SETBP1: variants seen among roughly 807,000 people sequenced by gnomAD.
SETBP1 encodes the protein SET-binding protein.
SETBP1 carries 9 observed loss-of-function variants against 101.0 expected under a neutral mutation model. The ratio of observed to expected loss-of-function variants is 0.09; its 90% CI spans 0.05 to 0.16. SETBP1 has a LOEUF of 0.16. Among genes scored for constraint, SETBP1 ranks in the 10% least tolerant of loss-of-function variants. The pLI, the probability that SETBP1 is intolerant of heterozygous loss-of-function variation, is 1.00. For synonymous variants in SETBP1, 818 were observed against 788.5 expected (o/e 1.04, Z -0.63); for missense variants, 1,858 against 2,033.8 (o/e 0.91, Z 1.66).
chr18:44,990,066 T>A (rs990896005), intron 4 of SETBP1, among the ~76,000 whole-genome samples: 7 of 151,274 alleles, frequency 4.6e-5, no homozygotes, highest in African/African-American at 1.5e-4. Flanking sequence ...TAAAGAAAAA[T>A]AACTTGTGAA....
chr18:44,849,945 G>T (rs967816788), intron 2 of SETBP1, among the ~76,000 whole-genome samples: 1 of 152,106 alleles, frequency 6.6e-6, no homozygotes. Context: ...TGGGGTATTT[G>T]GTTATCTTCC....
At chr18:45,034,734 G>A (rs1019912075) in intron 4 of SETBP1, among the ~76,000 whole-genome samples, 5 of 152,040 alleles carry the variant, frequency 3.3e-5, no homozygotes, top group Non-Finnish European at 4.4e-5. Context: ...AGTTTGTCTC[G>A]TGTTGGGGTT....
At chr18:44,872,119 T>C (rs2069290433) in intron 3 of SETBP1, 1 of 152,214 alleles carries the variant, frequency 6.6e-6, no homozygotes, top group South Asian at 2.1e-4. Flanking sequence ...CCTCACTTCT[T>C]TTGTCTGTCT....
intron 2 of SETBP1, among the ~76,000 whole-genome samples, chr18:44,864,628 C>T (rs1305173145): frequency 6.6e-6 from 1 of 152,074 alleles, no homozygotes; most frequent in Non-Finnish European, 1.5e-5. Flanking sequence ...CGGGCTCCAC[C>T]AGGGAGATGA....
At chr18:44,846,459 G>C (rs991060262) in intron 2 of SETBP1, among the ~76,000 whole-genome samples, 1 of 152,192 alleles carries the variant, frequency 6.6e-6, no homozygotes, top group East Asian at 1.9e-4. Flanking sequence ...TCTACTTTCT[G>C]TTTCTATGGA....
At chr18:44,713,438 C>G (rs1418943813) in intron 2 of SETBP1, among the ~76,000 whole-genome samples, 1 of 152,132 alleles carries the variant, frequency 6.6e-6, no homozygotes, top group Non-Finnish European at 1.5e-5. Context: ...TTTCCAGTTC[C>G]TGAAAGTGTT....
chr18:44,964,648 AG>A (rs576060593), intron 4 of SETBP1, among the ~76,000 whole-genome samples: 60 of 152,108 alleles, frequency 3.9e-4, no homozygotes, highest in Non-Finnish European at 6.8e-4. Flanking sequence ...AAAAAACTAA[AG>A]TCACCTACAA....
At chr18:44,897,031 T>G (rs541276681) in intron 3 of SETBP1, among the ~76,000 whole-genome samples, 37 of 152,324 alleles carry the variant, frequency 2.4e-4, no homozygotes, top group East Asian at 3.9e-4. Context: ...GACTCACTCC[T>G]GTTGAGACTT....
chr18:44,725,888 T>G (rs1409047715), intron 2 of SETBP1, among the ~76,000 whole-genome samples: 1 of 152,180 alleles, frequency 6.6e-6, no homozygotes, highest in Non-Finnish European at 1.5e-5. Flanking sequence ...GACAATTTCC[T>G]TTTTTACTTA....
At chr18:44,954,601 T>C (rs1178003027) in intron 4 of SETBP1, among the ~76,000 whole-genome samples, 2 of 152,192 alleles carry the variant, frequency 1.3e-5, no homozygotes. Flanking sequence ...GATTATGAGG[T>C]AGAAACCACT....
chr18:45,061,399 C>A (rs2073888551), intron 5 of SETBP1, among the ~76,000 whole-genome samples: 1 of 152,160 alleles, frequency 6.6e-6, no homozygotes, highest in Non-Finnish European at 1.5e-5. Context: ...ACCAGGCAAC[C>A]TTTTTCTTTT....
intron 4 of SETBP1, 134 bp downstream of exon 4, chr18:44,953,474 G>A: frequency 1.3e-6 from 1 of 766,750 alleles, no homozygotes; most frequent in East Asian, 2.7e-5. Flanking sequence ...GGGTCTCCTT[G>A]CACATTTGAG....
At chr18:44,829,342 CA>C (rs2072307914) in intron 2 of SETBP1, among the ~76,000 whole-genome samples, 1 of 152,030 alleles carries the variant, frequency 6.6e-6, no homozygotes, top group African/African-American at 2.4e-5. Context: ...TTTTTTTGGT[CA>C]AGTATAATTC....
intron 3 of SETBP1, among the ~76,000 whole-genome samples, chr18:44,900,823 G>A (rs1218680358): frequency 6.6e-6 from 1 of 152,108 alleles, no homozygotes; most frequent in African/African-American, 2.4e-5. Context: ...GCTTGAGAAG[G>A]GCTGCCACAA....
intron 2 of SETBP1, among the ~76,000 whole-genome samples, chr18:44,863,111 G>A (rs1486526081): frequency 6.6e-6 from 1 of 152,122 alleles, no homozygotes; most frequent in Non-Finnish European, 1.5e-5. Context: ...CCAATTTCCA[G>A]ATTTCCTTCT....
chr18:44,760,656 A>C (rs2144585357), intron 2 of SETBP1, among the ~76,000 whole-genome samples: 1 of 152,296 alleles, frequency 6.6e-6, no homozygotes, highest in Non-Finnish European at 1.5e-5. Context: ...TCAAATTCAA[A>C]TTTCAAGTGT....
At chr18:44,945,964 C>T (rs574931899) in intron 3 of SETBP1, among the ~76,000 whole-genome samples, 4 of 152,264 alleles carry the variant, frequency 2.6e-5, no homozygotes, top group Non-Finnish European at 5.9e-5. Context: ...AGTAAGTGCT[C>T]AGTTCTCAGC....
intron 2 of SETBP1, among the ~76,000 whole-genome samples, chr18:44,725,730 C>T (rs1268622216): frequency 2.0e-5 from 3 of 152,140 alleles, no homozygotes; most frequent in Non-Finnish European, 4.4e-5. Flanking sequence ...CCTCGGCCCC[C>T]TGACTTCCCA....
In SETBP1 at chr18:45,038,629, C is replaced by A; in HGVS notation, c.4145C>A (p.Ala1382Asp). The change falls in exon 5 of 6, where the codon GCT becomes GAT. Residue 1382 changes from alanine (A) to aspartate (D), a missense_variant. By Grantham distance (126) the Ala-to-Asp change is moderately radical. Around this residue, in one of 12 missense-constraint regions of SETBP1, gnomAD observed 417 missense variants for 389.1 expected, o/e 1.07. Coordinates refer to ENST00000649279, the MANE Select transcript of SETBP1 (RefSeq NM_015559.3). ...IPPAPVLSLL[A>D]ASAATSDAVG... ...CCAGCCCCAGTGTTATCTCTCCTTG[C>A]TGCATCTGCAGCAACGTCGGATGCA... is the stretch of plus-strand genomic sequence containing the variant. The A allele has an allele frequency of 6.2e-7, 1 of 1,614,190 alleles. No homozygotes were observed. The highest frequency in any genetic ancestry group is 1.3e-5 in the African/African-American group (1 of 75,046).
Sources: allele counts gnomAD v4.1 joint callset (sites outside exome capture counted in the v4.1 genomes callset), GRCh38; gene constraint gnomAD v4.1.1; regional missense constraint gnomAD v4.1.1; transcripts MANE v1.5; gene names NCBI Gene and HGNC (gene_info 2026-07-23, HGNC 2026-07-21).